VPS50: variants seen among roughly 807,000 people sequenced by gnomAD.
The protein encoded by VPS50 is syndetin.
Under a neutral mutation model 139.7 loss-of-function variants are expected in VPS50, and 70 were observed. That is an observed-to-expected ratio of 0.50 (90% CI 0.41 to 0.61). The LOEUF (loss-of-function observed/expected upper bound fraction) is 0.61. VPS50 is among the 20% of genes least tolerant of loss of function. The pLI, the probability that VPS50 is intolerant of heterozygous loss-of-function variation, is 0.00. For synonymous variants in VPS50, 365 were observed against 376.7 expected (o/e 0.97, Z 0.36); for missense variants, 921 against 1,133.7 (o/e 0.81, Z 2.69).
chr7:93,287,138 G>T (rs889503302), intron 12 of VPS50, among the ~76,000 whole-genome samples: 1 of 151,558 alleles, frequency 6.6e-6, no homozygotes, highest in African/African-American at 2.4e-5. Context: ...TTGTTTGCTG[G>T]TGCTGCGTGT....
chr7:93,340,986 T>C (rs926042698), intron 22 of VPS50: 3 of 153,730 alleles, frequency 2.0e-5, no homozygotes, highest in African/African-American at 7.2e-5. Flanking sequence ...AGTCCTGCCT[T>C]CTTGAGATTA....
chr7:93,261,523 A>G (rs1795674790), intron 9 of VPS50, among the ~76,000 whole-genome samples: 1 of 151,598 alleles, frequency 6.6e-6, no homozygotes, highest in African/African-American at 2.4e-5. Context: ...TAAAAATACA[A>G]AAAAATTAGC....
In VPS50 at chr7:93,253,868, A is replaced by G. The variant is rs753443889; in HGVS notation, c.234A>G (p.Pro78=). 3.8e-6 allele frequency: 6 copies of G among 1,587,396 alleles called. No homozygotes were observed. The Admixed American group carries it at 8.4e-5, about 22-fold the overall frequency. Residue 78 remains proline, a synonymous_variant, in exon 4 of 28, where the codon CCA becomes CCG. Transcript: ENST00000305866. The part of the protein sequence containing the change: ...DIVKYELEKL[P]PVLNLQELEA... Reference sequence around the variant, plus strand: ...TGAATTTTTTTCTGTAGAAGCTTCCACCTGTTCTCAATTTGCAAGAATTAG... The same window carrying G: ...TGAATTTTTTTCTGTAGAAGCTTCCGCCTGTTCTCAATTTGCAAGAATTAG...
chr7:93,345,819 G>C (rs957959896), intron 23 of VPS50, among the ~76,000 whole-genome samples: 2 of 152,110 alleles, frequency 1.3e-5, no homozygotes, highest in Non-Finnish European at 2.9e-5. Flanking sequence ...GTATTGATGG[G>C]ATGTATCGCA....
chr7:93,311,376 T>A, intron 20 of VPS50, 104 bp downstream of exon 20: 1 of 658,436 alleles, frequency 1.5e-6, no homozygotes, highest in South Asian at 1.9e-5. Context: ...CAGTGCTCTA[T>A]GCAATGAGGG....
chr7:93,236,937 CTTTTTTTTT>C (rs71107889), intron 1 of VPS50, among the ~76,000 whole-genome samples: 3 of 31,030 alleles, frequency 9.7e-5, no homozygotes, highest in East Asian at 1.1e-3. Context: ...TCTTTTACTT[CTTTTTTTTT>C]TTTTTTTTTT....
At chr7:93,276,088 C>G (rs1796143883) in intron 11 of VPS50, 77 bp from the exon 12 acceptor site, 1 of 1,319,794 alleles carries the variant, frequency 7.6e-7, no homozygotes, top group Non-Finnish European at 1.0e-6. Flanking sequence ...AGATGTTTCC[C>G]TGGGTTTTTT....
At chr7:93,240,401 T>TC (rs1794953423) in intron 2 of VPS50, among the ~76,000 whole-genome samples, 1 of 152,190 alleles carries the variant, frequency 6.6e-6, no homozygotes, top group African/African-American at 2.4e-5. Context: ...TGAAAAAGCA[T>TC]CTAAACCATA....
In VPS50 at chr7:93,291,744, G is replaced by A; in HGVS notation, c.984G>A (p.Leu328=). 6.3e-7 allele frequency: 1 copy of A among 1,595,598 alleles called. No homozygotes were observed. The highest frequency in any genetic ancestry group is 1.3e-5 in the African/African-American group (1 of 74,566). Residue 328 remains leucine, a synonymous_variant, in exon 13 of 28, where the codon CTG becomes CTA. Transcript: ENST00000305866. ...PDSYIPCLAD[L]CKALWEVMLS... is the part of the protein sequence containing the mutation. ...GCTATATTCCATGCCTTGCAGACCT[G>A]TGCAAAGCACTATGGGAAGTTATGC...
At chr7:93,274,299 A>G (rs1243480742) in intron 11 of VPS50, among the ~76,000 whole-genome samples, 3 of 152,142 alleles carry the variant, frequency 2.0e-5, no homozygotes, top group South Asian at 2.1e-4. Flanking sequence ...GAATAAGTCA[A>G]TGCCTGGCTT....
chr7:93,256,571 A>T lies in VPS50; in HGVS notation c.351+9A>T. On this transcript the variant is annotated intron_variant, in intron 5 of 27. Transcript: ENST00000305866. ...AGCCTGCTTATGTAAAGGTAGGATA[A>T]TATTTGTTATTTTTTGTAGTAGAAT... 1 of 1,420,694 alleles carries T rather than the reference A, an allele frequency of 7.0e-7. No individual in the cohort carries two copies. The highest frequency in any genetic ancestry group is 9.5e-7 in the Non-Finnish European group (1 of 1,047,586). The allele number at this position is 1,420,694 out of a possible 1,614,324, so 88.0% of individuals were successfully genotyped here. A position where few individuals can be genotyped will look rare whatever the true frequency, so the allele number is the denominator to read the frequency against.
chr7:93,300,422 T>C (rs1030603727), intron 16 of VPS50, among the ~76,000 whole-genome samples: 2 of 152,154 alleles, frequency 1.3e-5, no homozygotes, highest in African/African-American at 4.8e-5. Flanking sequence ...CTAGTCATTT[T>C]CTCAAGAACA....
chr7:93,296,478 A>G (rs1002707191), intron 14 of VPS50, among the ~76,000 whole-genome samples: 1 of 152,164 alleles, frequency 6.6e-6, no homozygotes, highest in Non-Finnish European at 1.5e-5. Flanking sequence ...CTGGTAATTC[A>G]GTGTACTTTG....
chr7:93,281,013 G>A (rs541625969), intron 12 of VPS50, among the ~76,000 whole-genome samples: 2 of 152,080 alleles, frequency 1.3e-5, no homozygotes, highest in Admixed American at 1.3e-4. Context: ...ATAGTGTCTG[G>A]CACATTGGAG....
intron 20 of VPS50, among the ~76,000 whole-genome samples, chr7:93,322,594 C>A (rs1372789428): frequency 2.0e-4 from 22 of 109,310 alleles, no homozygotes; most frequent in African/African-American, 7.1e-4. Context: ...AGCGAGACTC[C>A]GTCTCAAAAA....
intron 20 of VPS50, among the ~76,000 whole-genome samples, chr7:93,313,377 CA>C (rs1368814636): frequency 4.6e-5 from 7 of 152,058 alleles, no homozygotes; most frequent in African/African-American, 1.7e-4. Flanking sequence ...TTACCTAGTT[CA>C]AAAGGGGCTG....
At chr7:93,348,955 T>C in intron 24 of VPS50, 148 bp downstream of exon 24, 1 of 611,900 alleles carries the variant, frequency 1.6e-6, no homozygotes, top group Non-Finnish European at 2.9e-6. Context: ...CACTCATGAA[T>C]TCCTACATTA....
intron 21 of VPS50, among the ~76,000 whole-genome samples, chr7:93,333,412 A>G (rs920834777): frequency 6.6e-6 from 1 of 152,164 alleles, no homozygotes; most frequent in African/African-American, 2.4e-5. Flanking sequence ...AATGTTTTAA[A>G]TTTATTGGCT....
At chr7:93,259,011 A>T (rs183562188) in intron 8 of VPS50, among the ~76,000 whole-genome samples, 54 of 152,182 alleles carry the variant, frequency 3.5e-4, no homozygotes, top group Non-Finnish European at 6.8e-4. Flanking sequence ...TATTACTGCT[A>T]ACTAGGGTTT....
Sources: allele counts gnomAD v4.1 joint callset (sites outside exome capture counted in the v4.1 genomes callset), GRCh38; gene constraint gnomAD v4.1.1; transcripts MANE v1.5; gene names NCBI Gene and HGNC (gene_info 2026-07-23, HGNC 2026-07-21).